ERBIN: variants seen among roughly 807,000 people sequenced by gnomAD.
ERBIN encodes the protein densin-180-like protein.
Under a neutral mutation model 158.4 loss-of-function variants are expected in ERBIN, and 60 were observed. The observed-to-expected ratio is 0.38, with a 90% confidence interval of 0.31 to 0.47. ERBIN has a LOEUF of 0.47. Among genes scored for constraint, ERBIN ranks in the 20% least tolerant of loss-of-function variants. ERBIN has a pLI of 0.99. For missense variants in ERBIN, 1,610 were observed against 1,648.0 expected, an observed-to-expected ratio of 0.98 and a Z score of 0.40; for synonymous variants, 594 against 557.2, an observed-to-expected ratio of 1.07 and a Z score of -0.93.
chr5:66,073,845 T>G lies in ERBIN; in HGVS notation c.3757-1179T>G, dbSNP rs573383063. Among the ~76,000 whole-genome samples the G allele has an allele frequency of 2.0e-5, 3 of 152,214 alleles. No individual in the cohort carries two copies. The East Asian group carries it at 5.8e-4, about 29-fold the overall frequency. ...CATATTTTTCTACACAAAAATCTTT[T>G]TATATGCAAATATTTGTAATATGAC... is the stretch of plus-strand genomic sequence containing the variant. On this transcript the variant is annotated intron_variant, in intron 22 of 25. Coordinates refer to ENST00000284037, the MANE Select transcript of ERBIN (RefSeq NM_001253697.2).
chr5:66,040,671 A>C (rs2151196747), intron 15 of ERBIN, among the ~76,000 whole-genome samples: 1 of 151,996 alleles, frequency 6.6e-6, no homozygotes, highest in East Asian at 1.9e-4. Context: ...CAAGAAATAG[A>C]TGAGTCAAAA....
At chr5:65,927,902 C>G (rs37236) in intron 1 of ERBIN, among the ~76,000 whole-genome samples, 124,002 of 152,110 alleles carry the variant, frequency 0.82, 51,038 homozygotes, top group Non-Finnish European at 0.86. Context: ...TTTCTGTTTA[C>G]TTTTTTTCCC....
At chr5:66,064,973 T>G (rs1760832412) in intron 21 of ERBIN, among the ~76,000 whole-genome samples, 1 of 152,228 alleles carries the variant, frequency 6.6e-6, no homozygotes, top group Admixed American at 6.5e-5. Flanking sequence ...GTGCTGTGAT[T>G]ACAGATGTGA....
At chr5:66,005,507 G>A (rs982943426) in intron 4 of ERBIN, among the ~76,000 whole-genome samples, 7 of 152,096 alleles carry the variant, frequency 4.6e-5, no homozygotes, top group Admixed American at 3.3e-4. Flanking sequence ...ATTCGCCAAG[G>A]GCATGATTGT....
In ERBIN at chr5:66,018,498, A is replaced by T. The variant is rs1468957770; in HGVS notation, c.534-2824A>T. On this transcript the variant is annotated intron_variant, in intron 7 of 25. Transcript: ENST00000284037. ...TTATATATTATATATTATATTATATAATATATATTATATATTATATAATAT... is the reference window on the plus strand; with the variant it reads ...TTATATATTATATATTATATTATATTATATATATTATATATTATATAATAT... 3.4e-4 allele frequency among the ~76,000 whole-genome samples: 6 copies of T among 17,882 alleles called. 1 individual carries two copies. The highest frequency in any genetic ancestry group is 1.9e-3 in the Admixed American group (2 of 1,042). The allele number at this position is 17,882 out of a possible 152,430, so 11.7% of individuals were successfully genotyped here.
At chr5:65,975,130 C>T (rs1325825706) in intron 1 of ERBIN, among the ~76,000 whole-genome samples, 1 of 152,152 alleles carries the variant, frequency 6.6e-6, no homozygotes, top group Non-Finnish European at 1.5e-5. Context: ...GCCTCAGCCT[C>T]TCGAATAGCT....
intron 1 of ERBIN, among the ~76,000 whole-genome samples, chr5:65,970,119 T>A (rs989474864): frequency 3.1e-5 from 2 of 65,128 alleles, no homozygotes; most frequent in Non-Finnish European, 1.1e-4. Context: ...TAGTGAAGTA[T>A]GAAGACTACA....
intron 1 of ERBIN, among the ~76,000 whole-genome samples, chr5:65,987,655 C>T (rs1013029536): frequency 6.6e-6 from 1 of 152,048 alleles, no homozygotes; most frequent in Admixed American, 6.6e-5. Context: ...GAGTTTGAGA[C>T]CAGCCTGGCC....
intron 21 of ERBIN, chr5:66,055,228 A>G (rs1168910494): frequency 3.8e-5 from 19 of 496,050 alleles, no homozygotes; most frequent in Non-Finnish European, 4.5e-5. Flanking sequence ...CACACATACT[A>G]AAAATACACG....
chr5:65,953,619 G>C (rs1746765823), intron 1 of ERBIN, among the ~76,000 whole-genome samples: 1 of 152,172 alleles, frequency 6.6e-6, no homozygotes, highest in South Asian at 2.1e-4. Context: ...AAAAAATGTA[G>C]TACAAACATT....
At chr5:65,937,744 T>C (rs1744255171) in intron 1 of ERBIN, among the ~76,000 whole-genome samples, 1 of 152,116 alleles carries the variant, frequency 6.6e-6, no homozygotes, top group African/African-American at 2.4e-5. Flanking sequence ...CTGTCTCTAC[T>C]AAAAATACAA....
intron 10 of ERBIN, among the ~76,000 whole-genome samples, chr5:66,025,144 A>G (rs1007915103): frequency 6.6e-6 from 1 of 152,094 alleles, no homozygotes; most frequent in Non-Finnish European, 1.5e-5. Flanking sequence ...TTAATTTAAC[A>G]AGTTTGTATT....
intron 1 of ERBIN, among the ~76,000 whole-genome samples, chr5:65,982,815 C>A (rs1187672313): frequency 3.3e-5 from 5 of 152,086 alleles, no homozygotes; most frequent in African/African-American, 1.2e-4. Flanking sequence ...AGTTTCATTC[C>A]CATATATTTA....
At chr5:65,961,950 A>C (rs1747975050) in intron 1 of ERBIN, among the ~76,000 whole-genome samples, 1 of 152,138 alleles carries the variant, frequency 6.6e-6, no homozygotes. Context: ...TAGTTGTCTG[A>C]CATTTTTTAC....
intron 1 of ERBIN, among the ~76,000 whole-genome samples, chr5:65,931,134 T>C (rs911548007): frequency 6.6e-5 from 10 of 152,212 alleles, no homozygotes; most frequent in African/African-American, 2.4e-4. Context: ...TTGAATGTAG[T>C]AGAAAAACTA....
rs370332842 is a variant in ERBIN at position 66,052,089 on chromosome 5, C to G, written c.2087+1123C>G. On this transcript the variant is annotated intron_variant, in intron 20 of 25. Transcript: ENST00000284037. ...GCACATGCCTGTAGTCCCAGCTACT[C>G]GAGAGGCCAAGGTGGGAGGTTAACT... Among the ~76,000 whole-genome samples, 21 of 151,106 alleles carry G rather than the reference C, an allele frequency of 1.4e-4. No homozygotes were observed. In the East Asian group the frequency reaches 3.3e-3, roughly 24 times the overall value.
chr5:66,015,208 CAA>C (rs1232172463), intron 7 of ERBIN, among the ~76,000 whole-genome samples: 3 of 149,172 alleles, frequency 2.0e-5, no homozygotes, highest in Non-Finnish European at 4.5e-5. Flanking sequence ...AATCCAGGAG[CAA>C]AAAAAAAGAT....
chr5:65,979,670 T>C (rs1450349132), intron 1 of ERBIN, among the ~76,000 whole-genome samples: 3 of 152,198 alleles, frequency 2.0e-5, no homozygotes, highest in African/African-American at 7.2e-5. Flanking sequence ...AAATGCATAT[T>C]CTGGAACTGG....
intron 21 of ERBIN, among the ~76,000 whole-genome samples, chr5:66,062,763 C>A (rs189306845): frequency 3.8e-3 from 574 of 152,300 alleles, no homozygotes; most frequent in South Asian, 0.011. Context: ...CTAATAGTCA[C>A]AACCCTCAGC....
Sources: gnomAD v4.1 joint callset for allele counts (sites outside exome capture counted in the v4.1 genomes callset) on GRCh38, gnomAD v4.1.1 for gene constraint, MANE v1.5 for transcripts, NCBI Gene and HGNC (gene_info 2026-07-23, HGNC 2026-07-21) for gene names.